The following PRPF3 variants were observed in gnomAD, a reference collection of about 807,000 sequenced individuals.
The protein encoded by PRPF3 is U4/U6 small nuclear ribonucleoprotein Prp3.
PRPF3 carries 3 observed loss-of-function variants against 89.2 expected under a neutral mutation model. The ratio of observed to expected loss-of-function variants is 0.03; its 90% CI spans 0.02 to 0.09. The LOEUF is 0.09. PRPF3 is among the 10% of genes least tolerant of loss of function. PRPF3 has a pLI of 1.00. For synonymous variants in PRPF3, 270 were observed against 289.1 expected, an observed-to-expected ratio of 0.93 and a Z score of 0.67; for missense variants, 463 against 828.8, an observed-to-expected ratio of 0.56 and a Z score of 5.42.
intron 3 of PRPF3, 133 bp downstream of exon 3, chr1:150,326,014 G>A: frequency 1.8e-6 from 2 of 1,099,888 alleles, no homozygotes; most frequent in Admixed American, 2.0e-5. Context: ...TTAGACATTA[G>A]AGTAGGAGAG....
intron 15 of PRPF3, 43 bp from the exon 16 acceptor site, chr1:150,352,790 A>G: frequency 1.3e-6 from 2 of 1,588,266 alleles, no homozygotes; most frequent in Non-Finnish European, 1.7e-6. Flanking sequence ...TATCTGATTT[A>G]AATAAGAAAT....
chr1:150,325,188 TGGCA>T, intron 2 of PRPF3, 101 bp downstream of exon 2: 1 of 1,396,554 alleles, frequency 7.2e-7, no homozygotes. Context: ...TCTAAAAAAA[TGGCA>T]GGCCATATTT....
chr1:150,332,633 G>A (rs1553865898), intron 4 of PRPF3, 51 bp from the exon 5 acceptor site: 1 of 1,567,966 alleles, frequency 6.4e-7, no homozygotes, highest in Non-Finnish European at 8.8e-7. Context: ...CTGAATGGGA[G>A]AAGTAAGAAG....
intron 4 of PRPF3, chr1:150,329,827 T>G (rs1553864916): frequency 6.6e-6 from 1 of 152,290 alleles, no homozygotes; most frequent in East Asian, 1.9e-4. Flanking sequence ...TGGTGCGATC[T>G]CGGTTCACTG....
At chr1:150,351,844 A>G (rs1304811656) in intron 15 of PRPF3, among the ~76,000 whole-genome samples, 4 of 151,198 alleles carry the variant, frequency 2.6e-5, no homozygotes, top group Admixed American at 1.3e-4. Context: ...TCATCTTTCA[A>G]TTTTCTTCTA....
intron 4 of PRPF3, among the ~76,000 whole-genome samples, chr1:150,328,845 G>T (rs982461531): frequency 6.6e-6 from 1 of 151,710 alleles, no homozygotes; most frequent in Non-Finnish European, 1.5e-5. Context: ...GAGCCACTGC[G>T]CCCGGCTAAT....
chr1:150,327,100 C>G (rs1321390575), intron 3 of PRPF3, among the ~76,000 whole-genome samples: 3 of 147,574 alleles, frequency 2.0e-5, no homozygotes, highest in Non-Finnish European at 3.0e-5. Flanking sequence ...GTGAGTCTCA[C>G]TCTGTCGCCC....
intron 12 of PRPF3, 177 bp from the exon 13 acceptor site, chr1:150,345,841 G>A: frequency 7.2e-6 from 5 of 690,900 alleles, no homozygotes; most frequent in Non-Finnish European, 5.2e-6. Context: ...ATGTAAGAGT[G>A]TGGAAATATT....
At position 150,352,893 on chromosome 1, in the gene PRPF3, A is replaced by T. The variant is rs2102036178; in HGVS notation, c.1966A>T (p.Met656Leu). The T allele has an allele frequency of 6.2e-7, 1 of 1,614,220 alleles. No individual in the cohort carries two copies. The highest frequency in any genetic ancestry group is 2.2e-5 in the East Asian group (1 of 44,884). Residue 656 changes from methionine (M) to leucine (L), a missense_variant, in exon 16 of 16, where the codon ATG becomes TTG. By Grantham distance (15) the Met-to-Leu change is conservative. This residue lies in a region of PRPF3 where 78 missense variants were observed against 96.6 expected (regional missense o/e 0.81). Transcript: ENST00000324862. ...MKFKQCPTEN[M>L]AREHFKKHGA... Reference sequence around the variant, plus strand: ...GTTTAAACAGTGTCCTACAGAGAACATGGCTCGTGAGCATTTCAAAAAGCA... The same window carrying T: ...GTTTAAACAGTGTCCTACAGAGAACTTGGCTCGTGAGCATTTCAAAAAGCA...
chr1:150,340,210 TCA>T (rs1560107272), intron 8 of PRPF3, among the ~76,000 whole-genome samples, 186 bp from the exon 9 acceptor site: 2 of 152,178 alleles, frequency 1.3e-5, no homozygotes, highest in Admixed American at 1.3e-4. Context: ...ATAGAGGGAC[TCA>T]GTTTTCTCAT....
chr1:150,325,667 C>G, intron 2 of PRPF3, 84 bp from the exon 3 acceptor site: 1 of 1,535,898 alleles, frequency 6.5e-7, no homozygotes, highest in African/African-American at 1.4e-5. Flanking sequence ...GAATAAAATT[C>G]CAGTGTTGGT....
chr1:150,345,621 T>G (rs1271563875), intron 12 of PRPF3: 1 of 274,560 alleles, frequency 3.6e-6, no homozygotes, highest in Non-Finnish European at 7.1e-6. Context: ...AGTGCTGGGA[T>G]TACAGGCATG....
chr1:150,325,104 A>G lies in PRPF3; in HGVS notation c.145+17A>G, dbSNP rs370748145. 1.8e-5 allele frequency: 29 copies of G among 1,611,858 alleles called. No homozygotes were observed. Among genetic ancestry groups the G allele is most frequent in the Non-Finnish European group, 2.5e-5 (29 of 1,178,734 alleles). On this transcript the variant is annotated intron_variant, in intron 2 of 15. Coordinates refer to ENST00000324862, the MANE Select transcript of PRPF3 (RefSeq NM_004698.4). ...AGGCAGCCGGTATGTACCTTTCTGC[A>G]TCTTTTATCTTAACATATAGGGTGA...
In PRPF3 at chr1:150,353,003, C is replaced by G. The variant is rs782200547; in HGVS notation, c.*24C>G. 1.2e-6 allele frequency: 2 copies of G among 1,613,694 alleles called. No homozygotes were observed. Among genetic ancestry groups the G allele is most frequent in the Non-Finnish European group, 1.7e-6 (2 of 1,179,794 alleles). ...GAGACTACTGCAAGCCCTTGCCTCTCCTCCCTTGCCTTTGTCTCTTCAGTC... is the reference window on the plus strand; with the variant it reads ...GAGACTACTGCAAGCCCTTGCCTCTGCTCCCTTGCCTTTGTCTCTTCAGTC... On this transcript the variant is annotated 3_prime_UTR_variant, in exon 16 of 16. Coordinates refer to ENST00000324862, the MANE Select transcript of PRPF3 (RefSeq NM_004698.4).
chr1:150,336,617 G>A lies in PRPF3; in HGVS notation c.1035+1376G>A, dbSNP rs587644731. Among the ~76,000 whole-genome samples, 9 of 152,076 alleles carry A rather than the reference G, an allele frequency of 5.9e-5. No homozygotes were observed. In the East Asian group the frequency reaches 1.5e-3, roughly 26 times the overall value. On this transcript the variant is annotated intron_variant, in intron 7 of 15. Coordinates refer to ENST00000324862, the MANE Select transcript of PRPF3 (RefSeq NM_004698.4). ...CTAAAAGTACAAAAATTAACCGAGC[G>A]TGGTGGTGGGTGCCTGTAATCCTAG...
chr1:150,347,460 G>A (rs1260579635), intron 14 of PRPF3, among the ~76,000 whole-genome samples: 1 of 152,080 alleles, frequency 6.6e-6, no homozygotes, highest in Non-Finnish European at 1.5e-5. Flanking sequence ...GCCAGGCACG[G>A]TGGCTCACAC....
In PRPF3 at chr1:150,324,921, A is replaced by ATTGTTCTC; in HGVS notation, c.-19_-12dup. ...TGTAGTATTGAGTCCTGTTTGAGCT[A>ATTGTTCTC]TTGTTCTCTTTTTCCTGAAAAATGG... On this transcript the variant is annotated 5_prime_UTR_variant, in exon 2 of 16. Transcript: ENST00000324862. 1 of 1,572,718 alleles carries ATTGTTCTC rather than the reference A, an allele frequency of 6.4e-7. No homozygotes were observed. Among genetic ancestry groups the ATTGTTCTC allele is most frequent in the Non-Finnish European group, 8.6e-7 (1 of 1,160,738 alleles).
chr1:150,333,199 C>T lies in PRPF3; in HGVS notation c.728C>T (p.Pro243Leu), dbSNP rs782062577. The T allele has an allele frequency of 2.0e-5, 33 of 1,613,772 alleles. No homozygotes were observed. Among genetic ancestry groups the T allele is most frequent in the Non-Finnish European group, 2.8e-5 (33 of 1,179,710 alleles). The change falls in exon 6 of 16, where the codon CCG becomes CTG. Residue 243 changes from proline to leucine, a missense_variant and splice_region_variant. Pro to Leu is a moderately conservative substitution (Grantham distance 98). Around this residue, in one of 8 missense-constraint regions of PRPF3, gnomAD observed 261 missense variants for 475.8 expected, o/e 0.55. Coordinates refer to ENST00000324862, the MANE Select transcript of PRPF3 (RefSeq NM_004698.4). Reference protein sequence around the residue: ...ANLHAMGIAPPKVELKDQTKP... With the variant: ...ANLHAMGIAPLKVELKDQTKP... ...CTCCATGCCATGGGCATTGCTCCCCCGTGAGTGTCTATTTCATGGAATACC... is the reference window on the plus strand; with the variant it reads ...CTCCATGCCATGGGCATTGCTCCCCTGTGAGTGTCTATTTCATGGAATACC...
intron 3 of PRPF3, 146 bp downstream of exon 3, chr1:150,326,027 G>GA: frequency 1.0e-6 from 1 of 985,242 alleles, no homozygotes; most frequent in Non-Finnish European, 1.5e-6. Context: ...TAGGAGAGAT[G>GA]AATTAGTGTC....
Sources: gnomAD v4.1 joint callset for allele counts (sites outside exome capture counted in the v4.1 genomes callset) on GRCh38, gnomAD v4.1.1 for gene constraint, gnomAD v4.1.1 regional missense constraint, MANE v1.5 for transcripts, NCBI Gene and HGNC (gene_info 2026-07-23, HGNC 2026-07-21) for gene names.